The following ZDHHC11 variants were observed in gnomAD, a reference collection of about 807,000 sequenced individuals.
ZDHHC11 encodes palmitoyltransferase ZDHHC11.
In ZDHHC11, 44 loss-of-function variants were observed where a neutral mutation model predicts 51.3. The observed-to-expected ratio is 0.86, with a 90% CI of 0.67 to 1.10. The LOEUF is 1.10. Among genes scored for constraint, ZDHHC11 ranks in the 50% least tolerant of loss-of-function variants. ZDHHC11 has a pLI of 0.00. For synonymous variants in ZDHHC11, 163 were observed against 222.0 expected (o/e 0.73, Z 2.36); for missense variants, 400 against 537.7 (o/e 0.74, Z 2.53).
chr5:836,229 G>T (rs1743828694), intron 6 of ZDHHC11, among the ~76,000 whole-genome samples: 1 of 150,230 alleles, frequency 6.7e-6, no homozygotes, highest in African/African-American at 2.5e-5. Flanking sequence ...TCATGAATGG[G>T]AACTTGCTGT....
chr5:836,055 T>A (rs1354902700), intron 6 of ZDHHC11, among the ~76,000 whole-genome samples: 1 of 136,554 alleles, frequency 7.3e-6, no homozygotes, highest in Admixed American at 6.9e-5. Context: ...CCTGCTATGC[T>A]GGGCTGGCCA....
At chr5:835,944 G>C (rs1393837180) in intron 6 of ZDHHC11, among the ~76,000 whole-genome samples, 4 of 151,862 alleles carry the variant, frequency 2.6e-5, no homozygotes, top group African/African-American at 9.7e-5. Flanking sequence ...TCCTTGTTAA[G>C]TGATTTAATT....
At chr5:823,178 T>C (rs1293958143) in intron 8 of ZDHHC11, among the ~76,000 whole-genome samples, 2 of 151,258 alleles carry the variant, frequency 1.3e-5, no homozygotes, top group Non-Finnish European at 3.0e-5. Flanking sequence ...TTGGTATCTA[T>C]CAAAGAAGAG....
rs1744500538 is a variant in ZDHHC11 at position 839,897 on chromosome 5, T to C, written c.784+598A>G. The C allele has an allele frequency of 8.3e-6, 3 of 362,606 alleles. No homozygotes were observed. The South Asian group carries it at 1.3e-4, about 16-fold the overall frequency. 22.5% of individuals were successfully genotyped at this position (362,606 alleles called of 1,614,324 possible). ...AAGACGCTTTGCAGCTGGCCCACCA[T>C]GACCAAAACGGCTGGTGCCAGGAGC... On this transcript the variant is annotated intron_variant, in intron 5 of 12. Coordinates refer to ENST00000283441, the MANE Select transcript of ZDHHC11 (RefSeq NM_024786.3).
chr5:842,024 T>C (rs1365725005), intron 4 of ZDHHC11: 4 of 987,038 alleles, frequency 4.1e-6, no homozygotes, highest in East Asian at 2.3e-4. Flanking sequence ...TCACGATGAG[T>C]TCAGCCCATG....
At chr5:845,144 G>A (rs1745923288) in intron 3 of ZDHHC11, among the ~76,000 whole-genome samples, 1 of 152,420 alleles carries the variant, frequency 6.6e-6, no homozygotes, top group East Asian at 1.9e-4. Context: ...ATCCAGGGGT[G>A]ACGGGTGGCT....
At chr5:858,504 C>T (rs1979003) in intron 1 of ZDHHC11, among the ~76,000 whole-genome samples, 1 of 152,226 alleles carries the variant, frequency 6.6e-6, no homozygotes, top group Admixed American at 6.5e-5. Flanking sequence ...TCATCCCTGT[C>T]CTTCCTTTAT....
chr5:858,344 C>T (rs1454726962), intron 1 of ZDHHC11, among the ~76,000 whole-genome samples: 4 of 150,366 alleles, frequency 2.7e-5, no homozygotes, highest in Non-Finnish European at 5.9e-5. Context: ...AGAGTCTGTC[C>T]TGGTCCCCAT....
At chr5:814,156 T>G (rs1269714969) in intron 11 of ZDHHC11, among the ~76,000 whole-genome samples, 1 of 144,186 alleles carries the variant, frequency 6.9e-6, no homozygotes, top group Non-Finnish European at 1.5e-5. Context: ...TGAGTAGATT[T>G]CCTATTACTC....
intron 1 of ZDHHC11, among the ~76,000 whole-genome samples, chr5:849,488 A>G (rs1188251938): frequency 1.3e-5 from 2 of 151,930 alleles, no homozygotes; most frequent in Non-Finnish European, 2.9e-5. Flanking sequence ...CAGGGGGAGG[A>G]GCGAGGGAGC....
At chr5:815,202 C>T (rs1327092354) in intron 10 of ZDHHC11, among the ~76,000 whole-genome samples, 1 of 151,478 alleles carries the variant, frequency 6.6e-6, no homozygotes, top group African/African-American at 2.4e-5. Flanking sequence ...AACAGGTGGC[C>T]ATCTACAAGG....
rs1049078038 is a variant in ZDHHC11, at chr5:836,113, G to C, written c.900+1252C>G. 2.0e-5 allele frequency among the ~76,000 whole-genome samples: 3 copies of C among 150,116 alleles called. 1 individual carries two copies. Among genetic ancestry groups the C allele is most frequent in the Non-Finnish European group, 4.5e-5 (3 of 67,250 alleles). On this transcript the variant is annotated intron_variant, in intron 6 of 12. Transcript: ENST00000283441. ...GTAGGAGGAAAGGGCGTCATCACCTGTGCCCAGCCTCCAAGAGAGGGTCAC... is the reference window on the plus strand; with the variant it reads ...GTAGGAGGAAAGGGCGTCATCACCTCTGCCCAGCCTCCAAGAGAGGGTCAC...
chr5:822,043 T>C, intron 8 of ZDHHC11, 148 bp from the exon 9 acceptor site: 1 of 664,652 alleles, frequency 1.5e-6, no homozygotes, highest in South Asian at 1.9e-5. Flanking sequence ...AGGATCTCAG[T>C]GGTGACACAG....
upstream of ZDHHC11, among the ~76,000 whole-genome samples, chr5:854,115 G>C (rs1309400114): frequency 1.5e-5 from 2 of 136,188 alleles, no homozygotes. Flanking sequence ...GGAGGACAGT[G>C]AGGAGCGGGG....
Position 825,304 on chromosome 5 carries a change from C to A in ZDHHC11, c.936-53G>T. On this transcript the variant is annotated intron_variant, in intron 7 of 12. Transcript: ENST00000283441. ...CTCATCTCAGCTTTGTAGGGGGACT[C>A]AGGGTGGCACTGGAGGCTGCACCGC... 1.1e-5 allele frequency: 17 copies of A among 1,575,256 alleles called. No individual in the cohort carries two copies. The South Asian group carries it at 1.9e-4, about 17-fold the overall frequency.
intron 11 of ZDHHC11, among the ~76,000 whole-genome samples, chr5:807,494 G>A (rs1425226763): frequency 6.6e-6 from 1 of 151,402 alleles, no homozygotes; most frequent in East Asian, 1.9e-4. Context: ...AAAATACGGA[G>A]TCAATGAAGG....
chr5:848,146 AG>A (rs1746553047), intron 2 of ZDHHC11, among the ~76,000 whole-genome samples: 1 of 138,960 alleles, frequency 7.2e-6, no homozygotes, highest in South Asian at 2.5e-4. Flanking sequence ...CTGGGCCCTC[AG>A]GGGAGGGACC....
upstream of ZDHHC11, among the ~76,000 whole-genome samples, chr5:852,450 G>A (rs573440054): frequency 1.3e-5 from 2 of 152,390 alleles, no homozygotes; most frequent in Admixed American, 6.5e-5. Context: ...ATTGGAAAAA[G>A]TAATACATCC....
Position 848,591 on chromosome 5 carries a change from A to T in ZDHHC11, c.292T>A (p.Ser98Thr), listed in dbSNP as rs764329149. 1.3e-6 allele frequency: 2 copies of T among 1,598,782 alleles called. No individual in the cohort carries two copies. The highest frequency in any genetic ancestry group is 4.5e-5 in the East Asian group (2 of 44,454). Residue 98 changes from serine to threonine, a missense_variant, in exon 2 of 13, where the codon TCC becomes ACC. Ser to Thr is a moderately conservative substitution (Grantham distance 58). Around this residue, in one of 5 missense-constraint regions of ZDHHC11, gnomAD observed 22 missense variants for 81.0 expected, o/e 0.27. Coordinates refer to ENST00000283441, the MANE Select transcript of ZDHHC11 (RefSeq NM_024786.3). ...LIASCIDPAD[S>T]NVRLMKNYSQ... ...TAGTTCTTCATGAGTCTGACATTGG[A>T]GTCGGCCGGGTCGATGCAGGACGCG...
Sources: gnomAD v4.1 joint callset for allele counts (sites outside exome capture counted in the v4.1 genomes callset) on GRCh38, gnomAD v4.1.1 for gene constraint, gnomAD v4.1.1 regional missense constraint, MANE v1.5 for transcripts, NCBI Gene and HGNC (gene_info 2026-07-23, HGNC 2026-07-21) for gene names.